Variants in C5orf52 observed in about 807,000 individuals in gnomAD.
C5orf52 encodes uncharacterized protein C5orf52.
In C5orf52, 15 loss-of-function variants were observed where a neutral mutation model predicts 16.8. The observed-to-expected ratio is 0.89, with a 90% CI of 0.60 to 1.38. C5orf52 has a LOEUF of 1.38. Among genes scored for constraint, C5orf52 ranks in the 40% most tolerant of loss-of-function variants. C5orf52 has a pLI of 0.00. For synonymous variants in C5orf52, 83 were observed against 87.2 expected, an observed-to-expected ratio of 0.95 and a Z score of 0.27; for missense variants, 206 against 213.1, an observed-to-expected ratio of 0.97 and a Z score of 0.21.
chr5:157,674,501 C>T (rs1174325393), intron 1 of C5orf52, among the ~76,000 whole-genome samples: 1 of 152,174 alleles, frequency 6.6e-6, no homozygotes, highest in Non-Finnish European at 1.5e-5. Context: ...GGCGTGGTGG[C>T]ACTTGCCTGT....
At chr5:157,671,411 A>C, upstream of C5orf52, 1 of 579,814 alleles carries the variant, frequency 1.7e-6, no homozygotes, top group Non-Finnish European at 3.1e-6. Flanking sequence ...GGACAATATT[A>C]CCGCGTCCGT....
Position 157,679,888 on chromosome 5 carries a change from AC to A in C5orf52, c.370del (p.His124ThrfsTer2). 1 of 1,551,868 alleles carries A rather than the reference AC, an allele frequency of 6.4e-7. No individual in the cohort carries two copies. Among genetic ancestry groups the A allele is most frequent in the South Asian group, 1.2e-5 (1 of 84,054 alleles). ...TKKKISHYYE[H>X]LKKKFMTEQL... ...AGAAAAAGATCAGCCACTACTATGA[AC>A]ACCTGAAAAAAAAGTTCATGACAGA... On this transcript the variant is annotated frameshift_variant, in exon 3 of 3. Transcript: ENST00000409999. LOFTEE classifies it high-confidence loss of function.
At chr5:157,679,697 CA>C in intron 2 of C5orf52, 143 bp from the exon 3 acceptor site, 1 of 719,436 alleles carries the variant, frequency 1.4e-6, no homozygotes, top group East Asian at 2.8e-5. Flanking sequence ...CTCTGTGAGT[CA>C]AAGTATATGG....
chr5:157,679,359 CAG>C (rs1759965720), intron 2 of C5orf52, among the ~76,000 whole-genome samples: 1 of 152,058 alleles, frequency 6.6e-6, no homozygotes, highest in South Asian at 2.1e-4. Flanking sequence ...CAGTGTGAGA[CAG>C]AGTCTCACTC....
At position 157,671,777 on chromosome 5, in the gene C5orf52, C is replaced by A. The variant is rs1350953266; in HGVS notation, c.163C>A (p.Gln55Lys). ...RPEIGVGGQPQICFPRPRSAQ... is the reference protein window; with the variant it reads ...RPEIGVGGQPKICFPRPRSAQ... ...AGAAATCGGCGTAGGGGGTCAGCCGCAGATCTGCTTTCCGCGGCCGAGGTC... is the reference window on the plus strand; with the variant it reads ...AGAAATCGGCGTAGGGGGTCAGCCGAAGATCTGCTTTCCGCGGCCGAGGTC... Residue 55 changes from glutamine to lysine, a missense_variant, in exon 1 of 3, where the codon CAG becomes AAG. Transcript: ENST00000409999. 6.5e-7 allele frequency: 1 copy of A among 1,550,076 alleles called. No homozygotes were observed. Among genetic ancestry groups the A allele is most frequent in the South Asian group, 1.2e-5 (1 of 83,912 alleles).
chr5:157,676,157 T>A (rs1465342700), intron 2 of C5orf52, among the ~76,000 whole-genome samples: 2 of 152,158 alleles, frequency 1.3e-5, no homozygotes, highest in Non-Finnish European at 2.9e-5. Flanking sequence ...CACTGCAACC[T>A]CTACCTCCCG....
intron 2 of C5orf52, among the ~76,000 whole-genome samples, chr5:157,676,861 C>T (rs1451148934): frequency 7.4e-6 from 1 of 134,882 alleles, no homozygotes; most frequent in African/African-American, 2.9e-5. Flanking sequence ...TTTTAATTTC[C>T]TTTTTTTTTC....
chr5:157,674,832 C>T (rs530539154), intron 1 of C5orf52, among the ~76,000 whole-genome samples: 19 of 152,304 alleles, frequency 1.2e-4, no homozygotes, highest in African/African-American at 4.6e-4. Flanking sequence ...GATAACCCTT[C>T]TCTTAAGGAC....
rs1759978650 is a variant in C5orf52, at chr5:157,680,109, A to G, written c.*110A>G. The stretch of plus-strand genomic sequence containing the variant: ...AGGAGAACTAGTAACTACAACCTAC[A>G]CAACTGTAGAACAATAAACAGAAAC... On this transcript the variant is annotated 3_prime_UTR_variant, in exon 3 of 3. Coordinates refer to ENST00000409999, the MANE Select transcript of C5orf52 (RefSeq NM_001145132.2). The G allele has an allele frequency of 3.2e-6, 3 of 951,340 alleles. No individual in the cohort carries two copies. Among genetic ancestry groups the G allele is most frequent in the Non-Finnish European group, 4.7e-6 (3 of 642,852 alleles). The allele number at this position is 951,340 out of a possible 1,614,324, so 58.9% of individuals were successfully genotyped here.
At chr5:157,679,803 A>C (rs1164697975) in intron 2 of C5orf52, 38 bp from the exon 3 acceptor site, 2 of 1,527,112 alleles carry the variant, frequency 1.3e-6, no homozygotes, top group African/African-American at 1.4e-5. Flanking sequence ...TCACCTCTTT[A>C]GGATCTTGAT....
At position 157,679,902 on chromosome 5, in the gene C5orf52, A is replaced by T. The variant is rs911357194; in HGVS notation, c.383A>T (p.Lys128Met). 1.3e-6 allele frequency: 2 copies of T among 1,551,740 alleles called. No individual in the cohort carries two copies. The highest frequency in any genetic ancestry group is 2.7e-5 in the African/African-American group (2 of 73,048). The change falls in exon 3 of 3, where the codon AAG becomes ATG. Residue 128 changes from lysine (K) to methionine (M), a missense_variant. Lys to Met is a moderately conservative substitution (Grantham distance 95). Coordinates refer to ENST00000409999, the MANE Select transcript of C5orf52 (RefSeq NM_001145132.2). The stretch of plus-strand genomic sequence containing the variant: ...CACTACTATGAACACCTGAAAAAAA[A>T]GTTCATGACAGAGCAGCTCAGAAAG... ...ISHYYEHLKK[K>M]FMTEQLRKLG...
Position 157,671,593 on chromosome 5 carries a change from T to C in C5orf52, c.-22T>C. ...GCAACCAGCCACCAGTTTCCAACTC[T>C]TTCTCCAACAGGGAAGCCGCAATGA... On this transcript the variant is annotated 5_prime_UTR_variant, in exon 1 of 3. Coordinates refer to ENST00000409999, the MANE Select transcript of C5orf52 (RefSeq NM_001145132.2). The C allele has an allele frequency of 6.5e-7, 1 of 1,537,220 alleles. No homozygotes were observed. Among genetic ancestry groups the C allele is most frequent in the South Asian group, 1.2e-5 (1 of 82,542 alleles).
At chr5:157,676,072 C>T (rs1171471963) in intron 2 of C5orf52, among the ~76,000 whole-genome samples, 1 of 152,006 alleles carries the variant, frequency 6.6e-6, no homozygotes, top group Non-Finnish European at 1.5e-5. Context: ...TGAGCTGCTG[C>T]CACCTTCTTT....
chr5:157,673,884 G>C (rs1759845427), intron 1 of C5orf52, among the ~76,000 whole-genome samples: 1 of 152,136 alleles, frequency 6.6e-6, no homozygotes, highest in Non-Finnish European at 1.5e-5. Flanking sequence ...ACTTCCAAGT[G>C]ATTCGCCTGC....
intron 1 of C5orf52, among the ~76,000 whole-genome samples, chr5:157,673,291 T>A (rs533394569): frequency 6.6e-6 from 1 of 152,028 alleles, no homozygotes; most frequent in African/African-American, 2.4e-5. Flanking sequence ...GAGCGGAGAT[T>A]GCGCCACTGC....
Position 157,679,753 on chromosome 5 carries a change from G to A in C5orf52, c.322-88G>A, listed in dbSNP as rs557688543. ...TGACACTTTTCCCACTCCCCCATCA[G>A]TAGCACAGATGTCTGCCCTGCTGCG... On this transcript the variant is annotated intron_variant, in intron 2 of 2. Transcript: ENST00000409999. The A allele has an allele frequency of 9.3e-6, 12 of 1,289,522 alleles. No individual in the cohort carries two copies. The East Asian group carries it at 1.5e-4, about 16-fold the overall frequency. The allele number at this position is 1,289,522 out of a possible 1,614,324, so 79.9% of individuals were successfully genotyped here. A position where few individuals can be genotyped will look rare whatever the true frequency, so the allele number is the denominator to read the frequency against.
upstream of C5orf52, chr5:157,671,452 G>A: frequency 1.6e-6 from 1 of 620,454 alleles, no homozygotes; most frequent in East Asian, 2.9e-5. Flanking sequence ...ATGTCCAACA[G>A]CCCCCGTCCC....
Position 157,680,119 on chromosome 5 carries a change from A to G in C5orf52, c.*120A>G. On this transcript the variant is annotated 3_prime_UTR_variant, in exon 3 of 3. Transcript: ENST00000409999. ...GTAACTACAACCTACACAACTGTAG[A>G]ACAATAAACAGAAACCAGCAGACAG... is the stretch of plus-strand genomic sequence containing the variant. The G allele has an allele frequency of 4.5e-6, 4 of 893,424 alleles. No individual in the cohort carries two copies. Among genetic ancestry groups the G allele is most frequent in the Non-Finnish European group, 6.7e-6 (4 of 593,016 alleles). 55.3% of individuals were successfully genotyped at this position (893,424 alleles called of 1,614,324 possible).
intron 2 of C5orf52, among the ~76,000 whole-genome samples, chr5:157,677,570 C>G (rs1164691745): frequency 2.0e-5 from 3 of 150,078 alleles, no homozygotes; most frequent in African/African-American, 4.9e-5. Context: ...AGGAGAATTG[C>G]TTGAACCCTG....
Sources: gnomAD v4.1 joint callset for allele counts (sites outside exome capture counted in the v4.1 genomes callset) on GRCh38, gnomAD v4.1.1 for gene constraint, MANE v1.5 for transcripts, NCBI Gene and HGNC (gene_info 2026-07-23, HGNC 2026-07-21) for gene names.